Variants in ZNRF1 observed in about 807,000 individuals in gnomAD.
ZNRF1 encodes zinc and ring finger 1, also known as E3 ubiquitin-protein ligase ZNRF1.
Under a neutral mutation model 18.4 loss-of-function variants are expected in ZNRF1, and 3 were observed. The observed-to-expected ratio is 0.16, with a 90% CI of 0.07 to 0.42. The LOEUF is 0.42. Ranked by LOEUF, ZNRF1 falls within the 10% of genes least tolerant of loss-of-function variation. The pLI is 0.99. For synonymous variants in ZNRF1, 157 were observed against 144.2 expected, an observed-to-expected ratio of 1.09 and a Z score of -0.64; for missense variants, 310 against 329.8, an observed-to-expected ratio of 0.94 and a Z score of 0.47.
chr16:75,107,149 G>A (rs2036326559), intron 4 of ZNRF1: 1 of 175,132 alleles, frequency 5.7e-6, no homozygotes, highest in African/African-American at 2.4e-5. Flanking sequence ...AGCACTGGGT[G>A]CTGACTCCAC....
At position 74,999,664 on chromosome 16, in the gene ZNRF1, G is replaced by A; in HGVS notation, c.-8G>A. On this transcript the variant is annotated 5_prime_UTR_variant, in exon 1 of 5. Transcript: ENST00000335325. The stretch of plus-strand genomic sequence containing the variant: ...CCAGGTTCCCGCCCCACCGGGGCCC[G>A]GGCGAGCATGGGGGGCAAGCAGAGC... 1.5e-6 allele frequency: 2 copies of A among 1,333,502 alleles called. No individual in the cohort carries two copies. Among genetic ancestry groups the A allele is most frequent in the Non-Finnish European group, 1.9e-6 (2 of 1,048,280 alleles). 82.6% of individuals were successfully genotyped at this position (1,333,502 alleles called of 1,614,324 possible).
intron 1 of ZNRF1, among the ~76,000 whole-genome samples, chr16:75,030,556 C>T (rs1416850325): frequency 6.6e-6 from 1 of 152,098 alleles, no homozygotes; most frequent in African/African-American, 2.4e-5. Flanking sequence ...ATGACACCAA[C>T]AGCACAAGCA....
intron 2 of ZNRF1, among the ~76,000 whole-genome samples, chr16:75,102,069 C>T (rs2036260625): frequency 6.6e-6 from 1 of 152,220 alleles, no homozygotes; most frequent in Non-Finnish European, 1.5e-5. Context: ...TCTCTCGCAA[C>T]TCATGTGCCT....
At chr16:75,000,149 A>G (rs1365476140) in intron 1 of ZNRF1, 54 bp downstream of exon 1, 6 of 1,562,382 alleles carry the variant, frequency 3.8e-6, no homozygotes, top group East Asian at 2.3e-5. Flanking sequence ...GGGCGCCCCA[A>G]GCCTTCGCGT....
At chr16:75,048,910 C>T (rs914417426) in intron 1 of ZNRF1, among the ~76,000 whole-genome samples, 3 of 152,150 alleles carry the variant, frequency 2.0e-5, no homozygotes, top group Non-Finnish European at 2.9e-5. Context: ...TAATGACTAT[C>T]CTTTTCATTT....
chr16:75,042,443 C>CTTTTTTTTTTTTT (rs56212046), intron 1 of ZNRF1, among the ~76,000 whole-genome samples: 3 of 116,964 alleles, frequency 2.6e-5, no homozygotes, highest in Non-Finnish European at 3.5e-5. Flanking sequence ...CTGTTTCTTT[C>CTTTTTTTTTTTTT]TTTTTTTTTT....
rs59324869 is a variant in ZNRF1, at chr16:75,043,790, C to CTTTTTTT, written c.424+43705_424+43711dup. ...AGGAGCCAGCCATTCTTGCTTTGTA[C>CTTTTTTT]TTTTTTTTTTTTTTTTGAGACAGAG... On this transcript the variant is annotated intron_variant, in intron 1 of 4. Coordinates refer to ENST00000335325, the MANE Select transcript of ZNRF1 (RefSeq NM_032268.5). Among the ~76,000 whole-genome samples the CTTTTTTT allele has an allele frequency of 5.3e-5, 4 of 75,190 alleles. 1 individual carries two copies. The highest frequency in any genetic ancestry group is 3.9e-4 in the Admixed American group (2 of 5,122). 49.3% of individuals were successfully genotyped at this position (75,190 alleles called of 152,430 possible).
At position 75,084,920 on chromosome 16, in the gene ZNRF1, T is replaced by C. The variant is rs375358548; in HGVS notation, c.425-8652T>C. On this transcript the variant is annotated intron_variant, in intron 1 of 4. Transcript: ENST00000335325. ...GAAAAGTTGGAAGAAGTTTAACTTA[T>C]GCATCTTTGTTTCTGTTCATTTCAT... 5.2e-4 allele frequency among the ~76,000 whole-genome samples: 79 copies of C among 152,372 alleles called. 2 individuals carry two copies. Among genetic ancestry groups the C allele is most frequent in the African/African-American group, 1.7e-3 (69 of 41,596 alleles).
intron 1 of ZNRF1, among the ~76,000 whole-genome samples, chr16:75,031,846 G>A (rs1304679538): frequency 7.9e-5 from 12 of 151,660 alleles, no homozygotes; most frequent in Non-Finnish European, 2.9e-5. Context: ...CTACTGTGTC[G>A]AGTCAATTCT....
At chr16:75,061,769 T>A (rs935784354) in intron 1 of ZNRF1, among the ~76,000 whole-genome samples, 2 of 152,224 alleles carry the variant, frequency 1.3e-5, no homozygotes, top group Admixed American at 1.3e-4. Context: ...ACAGTATGAC[T>A]TTCACTCCTT....
At chr16:75,071,513 G>T (rs1448572940) in intron 1 of ZNRF1, among the ~76,000 whole-genome samples, 1 of 152,164 alleles carries the variant, frequency 6.6e-6, no homozygotes, top group African/African-American at 2.4e-5. Flanking sequence ...TCACAGCATG[G>T]TGGCAAGCTT....
At chr16:75,072,077 T>C (rs2145401301) in intron 1 of ZNRF1, among the ~76,000 whole-genome samples, 1 of 152,230 alleles carries the variant, frequency 6.6e-6, no homozygotes. Flanking sequence ...TAGCTGGGAC[T>C]ACAAAGTGCA....
chr16:75,066,209 G>T (rs1246641058), intron 1 of ZNRF1, among the ~76,000 whole-genome samples: 1 of 152,124 alleles, frequency 6.6e-6, no homozygotes, highest in East Asian at 1.9e-4. Flanking sequence ...AAGCCCCCTG[G>T]TACCTCTGTT....
At chr16:75,033,339 G>A (rs1290737998) in intron 1 of ZNRF1, among the ~76,000 whole-genome samples, 1 of 150,108 alleles carries the variant, frequency 6.7e-6, no homozygotes, top group Non-Finnish European at 1.5e-5. Context: ...ATTGAGGAAA[G>A]TTAACATCTT....
At chr16:75,094,651 C>T (rs1029642241) in intron 2 of ZNRF1, among the ~76,000 whole-genome samples, 1 of 152,206 alleles carries the variant, frequency 6.6e-6, no homozygotes, top group African/African-American at 2.4e-5. Context: ...TGGGAAGTTA[C>T]AGCTGCCATG....
chr16:75,015,537 T>G (rs761875146), intron 1 of ZNRF1, among the ~76,000 whole-genome samples: 1 of 152,104 alleles, frequency 6.6e-6, no homozygotes, highest in Non-Finnish European at 1.5e-5. Context: ...ATTGCACCAT[T>G]GCACTCCAGC....
At chr16:75,104,741 C>T (rs940669151) in intron 2 of ZNRF1, 43 bp from the exon 3 acceptor site, 28 of 1,543,502 alleles carry the variant, frequency 1.8e-5, no homozygotes, top group Non-Finnish European at 2.5e-5. Flanking sequence ...CACCTGTCCA[C>T]TGGTGACTAA....
chr16:75,012,758 A>G (rs2145325750), intron 1 of ZNRF1, among the ~76,000 whole-genome samples: 1 of 152,288 alleles, frequency 6.6e-6, no homozygotes, highest in Admixed American at 6.5e-5. Flanking sequence ...CTGAACCACT[A>G]TCTTACATAA....
At chr16:75,061,279 C>G (rs1003651615) in intron 1 of ZNRF1, among the ~76,000 whole-genome samples, 2 of 152,112 alleles carry the variant, frequency 1.3e-5, no homozygotes, top group African/African-American at 2.4e-5. Context: ...CACCCATTAA[C>G]CATCCCCACC....
Sources: gnomAD v4.1 joint callset for allele counts (sites outside exome capture counted in the v4.1 genomes callset) on GRCh38, gnomAD v4.1.1 for gene constraint, MANE v1.5 for transcripts, NCBI Gene and HGNC (gene_info 2026-07-23, HGNC 2026-07-21) for gene names.